Variants in IL17B observed in about 807,000 individuals in gnomAD.
The protein encoded by IL17B is interleukin 17B.
IL17B carries 14 observed loss-of-function variants against 14.7 expected under a neutral mutation model. That is an observed-to-expected ratio of 0.95 (90% confidence interval 0.63 to 1.49). The LOEUF is 1.49. IL17B is among the 40% of genes most tolerant of loss of function. The pLI, the probability that IL17B is intolerant of heterozygous loss-of-function variation, is 0.00. For synonymous variants in IL17B, 105 were observed against 94.8 expected (o/e 1.11, Z -0.62); for missense variants, 233 against 252.8 (o/e 0.92, Z 0.53).
chr5:149,382,746 C>T (rs934857590), upstream of IL17B, among the ~76,000 whole-genome samples: 1 of 152,212 alleles, frequency 6.6e-6, no homozygotes, highest in Non-Finnish European at 1.5e-5. Flanking sequence ...ATGGCCTCAG[C>T]CTTGACCCAT....
chr5:149,402,144 A>G (rs1366719399), intron 1 of IL17B, among the ~76,000 whole-genome samples: 2 of 152,216 alleles, frequency 1.3e-5, no homozygotes, highest in Non-Finnish European at 2.9e-5. Flanking sequence ...GGAGGTGTCC[A>G]GACCCATGTG....
At chr5:149,390,265 C>G (rs181468368) in intron 1 of IL17B, among the ~76,000 whole-genome samples, 1 of 150,362 alleles carries the variant, frequency 6.7e-6, no homozygotes, top group South Asian at 2.1e-4. Flanking sequence ...GGGCCTGGCT[C>G]CATCTCTTTG....
intron 1 of IL17B, among the ~76,000 whole-genome samples, chr5:149,387,766 C>G (rs964213501): frequency 2.1e-4 from 29 of 136,884 alleles, no homozygotes; most frequent in African/African-American, 8.4e-4. Flanking sequence ...ACAAAGCATG[C>G]CCCTGTCTCA....
rs748708206 is a variant in IL17B at position 149,374,581 on chromosome 5, G to T, written c.331C>A (p.Arg111Ser). 1 of 1,611,810 alleles carries T rather than the reference G, an allele frequency of 6.2e-7. No homozygotes were observed. Among genetic ancestry groups the T allele is most frequent in the Non-Finnish European group, 8.5e-7 (1 of 1,178,862 alleles). The change falls in exon 3 of 3, where the codon CGT becomes AGT. Residue 111 changes from arginine (R) to serine (S), a missense_variant. By Grantham distance (110) the Arg-to-Ser change is moderately radical. Coordinates refer to ENST00000261796, the MANE Select transcript of IL17B (RefSeq NM_014443.3). The surrounding 1 kb of genome is among the most constrained non-coding windows in gnomAD (Gnocchi z 5.0). Reference sequence around the variant, plus strand: ...GCCTCCGGCAGGTCCACGGGGATACGGCTGGGGTCGTGGTTGATGCTGCAG... The same window carrying T: ...GCCTCCGGCAGGTCCACGGGGATACTGCTGGGGTCGTGGTTGATGCTGCAG... ...WGYSINHDPS[R>S]IPVDLPEARC...
chr5:149,400,045 G>A (rs1759176126), intron 1 of IL17B, among the ~76,000 whole-genome samples: 1 of 152,122 alleles, frequency 6.6e-6, no homozygotes, highest in African/African-American at 2.4e-5. Context: ...CCTTACACAT[G>A]TTTAGGGTTG....
chr5:149,381,664 G>A (rs1356136971), upstream of IL17B, among the ~76,000 whole-genome samples: 1 of 152,250 alleles, frequency 6.6e-6, no homozygotes, highest in Non-Finnish European at 1.5e-5. Context: ...GCTGTGAGGA[G>A]TCAGGCATGG....
rs531355392 is a variant in IL17B at position 149,398,237 on chromosome 5, A to AT, written n.95+5870dup. On this transcript the variant is annotated intron_variant and non_coding_transcript_variant, in intron 1 of 2. Coordinates refer to the IL17B transcript ENST00000505432. ...ATAATGCAACCATCCCATGATTGTG[A>AT]TTTTAGGGACTTTAGATATTAGAGA... is the stretch of plus-strand genomic sequence containing the variant. Among the ~76,000 whole-genome samples the AT allele has an allele frequency of 3.9e-5, 6 of 152,328 alleles. No homozygotes were observed. The South Asian group carries it at 1.2e-3, about 32-fold the overall frequency.
intron 1 of IL17B, among the ~76,000 whole-genome samples, chr5:149,390,650 C>T (rs987164090): frequency 6.9e-6 from 1 of 145,640 alleles, no homozygotes; most frequent in African/African-American, 2.6e-5. Context: ...CAAGGCCCTC[C>T]AAGTCCCTTC....
At chr5:149,383,905 C>T (rs1758763725), upstream of IL17B, among the ~76,000 whole-genome samples, 1 of 152,230 alleles carries the variant, frequency 6.6e-6, no homozygotes, top group African/African-American at 2.4e-5. Context: ...CTAGGCCTCT[C>T]TTCTGCAGAG....
At chr5:149,387,784 A>G (rs1444442661) in intron 1 of IL17B, among the ~76,000 whole-genome samples, 2 of 151,802 alleles carry the variant, frequency 1.3e-5, no homozygotes, top group Non-Finnish European at 2.9e-5. Flanking sequence ...TCAAAAAAAA[A>G]AAAAAAAAAA....
chr5:149,387,197 C>T (rs1758842815), intron 1 of IL17B, among the ~76,000 whole-genome samples: 1 of 152,182 alleles, frequency 6.6e-6, no homozygotes, highest in Admixed American at 6.5e-5. Context: ...GAGGAAGGTA[C>T]AATGTCTCCA....
upstream of IL17B, among the ~76,000 whole-genome samples, chr5:149,381,053 C>A (rs1454595893): frequency 6.6e-6 from 1 of 152,180 alleles, no homozygotes; most frequent in Non-Finnish European, 1.5e-5. Context: ...GCTCTCTGCA[C>A]ACACTCTGCT....
rs1052840455 is a variant in IL17B, at chr5:149,374,415, C to T, written c.497G>A (p.Arg166His). ...CACAGCGATGGTCTCCATGACTGCG[C>T]GCTGGCGGCAAGGCCCTGTGCGGGG... ...PPPRTGPCRQ[R>H]AVMETIAVGC... is the part of the protein sequence containing the mutation. Residue 166 changes from arginine (R) to histidine (H), a missense_variant, in exon 3 of 3, where the codon CGC (arginine) becomes CAC (histidine). Coordinates refer to ENST00000261796, the MANE Select transcript of IL17B (RefSeq NM_014443.3). The surrounding 1 kb of genome is among the most constrained non-coding windows in gnomAD (Gnocchi z 5.0). The T allele has an allele frequency of 2.4e-5, 39 of 1,603,902 alleles. No individual in the cohort carries two copies. Among genetic ancestry groups the T allele is most frequent in the Non-Finnish European group, 2.9e-5 (34 of 1,177,644 alleles).
chr5:149,385,024 C>G (rs538730237), intron 1 of IL17B, among the ~76,000 whole-genome samples: 1 of 151,578 alleles, frequency 6.6e-6, no homozygotes, highest in Non-Finnish European at 1.5e-5. Context: ...AGCAATTCTC[C>G]TGCCTTAACC....
rs1428034105 is a variant in IL17B at position 149,374,587 on chromosome 5, G to A, written c.325C>T (p.Pro109Ser). 3 of 1,611,150 alleles carry A rather than the reference G, an allele frequency of 1.9e-6. No individual in the cohort carries two copies. The highest frequency in any genetic ancestry group is 2.7e-5 in the African/African-American group (2 of 74,892). The change falls in exon 3 of 3, where the codon CCC (proline) becomes TCC (serine). Residue 109 changes from proline (P) to serine (S), a missense_variant. Coordinates refer to ENST00000261796, the MANE Select transcript of IL17B (RefSeq NM_014443.3). The surrounding 1 kb of genome is among the most constrained non-coding windows in gnomAD (Gnocchi z 5.0). ...SPWGYSINHD[P>S]SRIPVDLPEA... The stretch of plus-strand genomic sequence containing the variant: ...GGCAGGTCCACGGGGATACGGCTGG[G>A]GTCGTGGTTGATGCTGCAGGGAGCA...
intron 1 of IL17B, among the ~76,000 whole-genome samples, chr5:149,395,359 A>C (rs928533484): frequency 6.6e-6 from 1 of 152,140 alleles, no homozygotes; most frequent in African/African-American, 2.4e-5. Flanking sequence ...TTTATGGTAG[A>C]ACTATTTATA....
rs764493047 is a variant in IL17B at position 149,376,906 on chromosome 5, C to T, written c.141G>A (p.Leu47=). 5 of 1,614,164 alleles carry T rather than the reference C, an allele frequency of 3.1e-6. No homozygotes were observed. Among genetic ancestry groups the T allele is most frequent in the Non-Finnish European group, 4.2e-6 (5 of 1,180,028 alleles). The part of the protein sequence containing the change: ...PLAPGPHQVP[L]DLVSRMKPYA... Reference sequence around the variant, plus strand: ...ACGGTTTCATCCGTGACACCAGGTCCAGTGGCACCTGGTGAGGGCCAGGGG... The same window carrying T: ...ACGGTTTCATCCGTGACACCAGGTCTAGTGGCACCTGGTGAGGGCCAGGGG... The change falls in exon 2 of 3, where the codon CTG becomes CTA. Residue 47 remains leucine (L), a synonymous_variant. Coordinates refer to ENST00000261796, the MANE Select transcript of IL17B (RefSeq NM_014443.3).
intron 1 of IL17B, among the ~76,000 whole-genome samples, chr5:149,395,035 C>T (rs749787099): frequency 3.9e-5 from 6 of 152,136 alleles, no homozygotes; most frequent in Non-Finnish European, 8.8e-5. Context: ...CTCAGGCAGG[C>T]CCCAGTATTT....
intron 1 of IL17B, among the ~76,000 whole-genome samples, chr5:149,399,095 C>A (rs1240036211): frequency 6.6e-6 from 1 of 152,164 alleles, no homozygotes. Context: ...AAAGACCTGG[C>A]CCCATGATTC....
Sources: gnomAD v4.1 joint callset for allele counts (sites outside exome capture counted in the v4.1 genomes callset) on GRCh38, gnomAD v4.1.1 for gene constraint, Gnocchi (gnomAD v3.1) non-coding constraint, MANE v1.5 for transcripts, NCBI Gene and HGNC (gene_info 2026-07-23, HGNC 2026-07-21) for gene names.